Variants in RASAL2 observed in about 807,000 individuals in gnomAD.
RASAL2 encodes the protein ras GTPase-activating protein nGAP.
A neutral mutation model predicts 128.9 loss-of-function variants in RASAL2; 58 were observed. The ratio of observed to expected loss-of-function variants is 0.45; its 90% CI spans 0.36 to 0.56. The LOEUF (loss-of-function observed/expected upper bound fraction) is 0.56, where lower values mean the gene tolerates loss of function less well. RASAL2 is among the 20% of genes least tolerant of loss of function. The pLI is 0.00. For missense variants in RASAL2, 1,360 were observed against 1,601.6 expected, an observed-to-expected ratio of 0.85 and a Z score of 2.57; for synonymous variants, 561 against 580.8, an observed-to-expected ratio of 0.97 and a Z score of 0.49.
chr1:178,473,125 G>C lies in RASAL2; in HGVS notation c.3729G>C (p.Ala1243=), dbSNP rs747311468. The stretch of plus-strand genomic sequence containing the variant: ...CAGCCAACACCAGACTGATGAGCGC[G>C]CTGACCCAAGTGAAGGAGCGGTACA... ...LDSANTRLMS[A]LTQVKERYSM... is the part of the protein sequence containing the mutation. Residue 1243 remains alanine (A), a synonymous_variant, in exon 18 of 18, where the codon GCG becomes GCC. Transcript: ENST00000367649. The C allele has an allele frequency of 6.2e-7, 1 of 1,614,170 alleles. No individual in the cohort carries two copies. Among genetic ancestry groups the C allele is most frequent in the South Asian group, 1.1e-5 (1 of 91,080 alleles).
chr1:178,457,923 C>A lies in RASAL2; in HGVS notation c.2631C>A (p.Ser877Arg). ...MLDVPIRLTG[S>R]QLSITQVASI... ...ATGTGCCTATACGCTTGACCGGAAG[C>A]CAGCTTTCCATAACCCAGGTGGCCA... Residue 877 changes from serine to arginine, a missense_variant, in exon 14 of 18, where the codon AGC becomes AGA. Around this residue, in one of 3 missense-constraint regions of RASAL2, gnomAD observed 741 missense variants for 868.6 expected, o/e 0.85. Transcript: ENST00000367649. 1 of 1,614,148 alleles carries A rather than the reference C, an allele frequency of 6.2e-7. No individual in the cohort carries two copies. Among genetic ancestry groups the A allele is most frequent in the Non-Finnish European group, 8.5e-7 (1 of 1,180,014 alleles).
chr1:178,274,981 A>G (rs868278050), intron 1 of RASAL2, among the ~76,000 whole-genome samples: 3 of 152,166 alleles, frequency 2.0e-5, no homozygotes, highest in South Asian at 2.1e-4. Flanking sequence ...TAAGTGACCT[A>G]TTTTATTTTG....
chr1:178,424,588 A>T (rs955945839), intron 5 of RASAL2, among the ~76,000 whole-genome samples: 9 of 152,140 alleles, frequency 5.9e-5, no homozygotes, highest in African/African-American at 2.2e-4. Flanking sequence ...CAGCCTCCTG[A>T]GTAGCTGGGA....
chr1:178,167,365 CAAGA>C (rs1661552863), intron 1 of RASAL2, among the ~76,000 whole-genome samples: 2 of 152,002 alleles, frequency 1.3e-5, no homozygotes, highest in Non-Finnish European at 2.9e-5. Context: ...CTGTAGTATA[CAAGA>C]TAGAAATAGT....
intron 1 of RASAL2, among the ~76,000 whole-genome samples, chr1:178,119,014 C>T (rs1659618495): frequency 6.6e-6 from 1 of 152,054 alleles, no homozygotes; most frequent in Non-Finnish European, 1.5e-5. Flanking sequence ...ATTACAGGCA[C>T]CCGCCACCAC....
intron 1 of RASAL2, among the ~76,000 whole-genome samples, chr1:178,260,574 A>G (rs1047758217): frequency 6.6e-6 from 1 of 150,618 alleles, no homozygotes; most frequent in African/African-American, 2.4e-5. Flanking sequence ...AAGTTTTTAA[A>G]AAGTCTTCCA....
At chr1:178,159,927 A>AC (rs1483335719) in intron 1 of RASAL2, among the ~76,000 whole-genome samples, 2 of 152,172 alleles carry the variant, frequency 1.3e-5, no homozygotes, top group African/African-American at 4.8e-5. Context: ...AAACAAACAA[A>AC]AAAAACTACT....
intron 1 of RASAL2, among the ~76,000 whole-genome samples, chr1:178,211,413 T>C (rs1360544267): frequency 6.6e-6 from 1 of 152,168 alleles, no homozygotes; most frequent in East Asian, 1.9e-4. Context: ...ATGATCACAT[T>C]ACTAGCTTAT....
intron 3 of RASAL2, among the ~76,000 whole-genome samples, chr1:178,387,357 A>G (rs1672636562): frequency 6.6e-6 from 1 of 151,102 alleles, no homozygotes; most frequent in South Asian, 2.1e-4. Flanking sequence ...CATAATACAG[A>G]AAGAGAATTT....
At chr1:178,411,582 G>T in intron 4 of RASAL2, 3 of 701,748 alleles carry the variant, frequency 4.3e-6, no homozygotes, top group East Asian at 2.6e-5. Context: ...AAAATGAGTG[G>T]ATGGAGAGAC....
chr1:178,189,628 T>TA (rs1451818601), intron 1 of RASAL2, among the ~76,000 whole-genome samples: 5 of 152,296 alleles, frequency 3.3e-5, no homozygotes, highest in Admixed American at 2.6e-4. Context: ...AGTCTCACTG[T>TA]AAAAAACAGT....
intron 17 of RASAL2, among the ~76,000 whole-genome samples, chr1:178,470,419 T>C (rs1253308160): frequency 2.0e-5 from 3 of 152,184 alleles, no homozygotes; most frequent in African/African-American, 4.8e-5. Context: ...TGCAAAAGGA[T>C]GAGCACTCCT....
At chr1:178,453,638 T>C (rs1335236318) in intron 11 of RASAL2, among the ~76,000 whole-genome samples, 1 of 152,152 alleles carries the variant, frequency 6.6e-6, no homozygotes, top group Non-Finnish European at 1.5e-5. Flanking sequence ...TTTTTCTTTC[T>C]ACTTTTCATT....
At position 178,467,402 on chromosome 1, in the gene RASAL2, A is replaced by T. The variant is rs201396805; in HGVS notation, c.3659A>T (p.Gln1220Leu). Reference protein sequence around the residue: ...AEMQAVIDAKQKIIDAQEKRI... With the variant: ...AEMQAVIDAKLKIIDAQEKRI... ...ATGCAAGCAGTTATTGATGCAAAGC[A>T]GAAAATAATTGATGCACAGGTAAGC... The change falls in exon 17 of 18, where the codon CAG (glutamine) becomes CTG (leucine). Residue 1220 changes from glutamine (Q) to leucine (L), a missense_variant. Physicochemically the swap from Gln to Leu is moderately radical, Grantham distance 113. Coordinates refer to ENST00000367649, the MANE Select transcript of RASAL2 (RefSeq NM_170692.4). 32 of 1,613,890 alleles carry T rather than the reference A, an allele frequency of 2.0e-5. No homozygotes were observed. The highest frequency in any genetic ancestry group is 2.6e-5 in the Non-Finnish European group (31 of 1,179,850).
chr1:178,162,561 C>CTTTATATAAAATATATATAATATATAT (rs1571567229), intron 1 of RASAL2, among the ~76,000 whole-genome samples: 1 of 114,702 alleles, frequency 8.7e-6, no homozygotes, highest in East Asian at 2.3e-4. Flanking sequence ...TATAATATAT[C>CTTTATATAAAATATATATAATATATAT]TTTATATAAA....
intron 3 of RASAL2, among the ~76,000 whole-genome samples, chr1:178,361,176 G>A (rs1171776279): frequency 6.6e-6 from 1 of 152,030 alleles, no homozygotes; most frequent in Non-Finnish European, 1.5e-5. Context: ...GATCAAATAG[G>A]GCATGCTTTA....
intron 2 of RASAL2, among the ~76,000 whole-genome samples, chr1:178,293,008 G>T (rs1667346996): frequency 6.6e-6 from 1 of 152,106 alleles, no homozygotes; most frequent in Non-Finnish European, 1.5e-5. Context: ...ATCAGTCTTT[G>T]TGCAAATAGC....
chr1:178,271,808 T>G (rs1666273140), intron 1 of RASAL2, among the ~76,000 whole-genome samples: 1 of 152,248 alleles, frequency 6.6e-6, no homozygotes, highest in South Asian at 2.1e-4. Flanking sequence ...GGGCTTTGCA[T>G]GATCTTGCCC....
chr1:178,291,073 T>C (rs1263988047), intron 2 of RASAL2, among the ~76,000 whole-genome samples: 1 of 152,142 alleles, frequency 6.6e-6, no homozygotes, highest in Non-Finnish European at 1.5e-5. Context: ...AAAAAGTGTT[T>C]TACAGAGAAA....
Sources: allele counts gnomAD v4.1 joint callset (sites outside exome capture counted in the v4.1 genomes callset), GRCh38; gene constraint gnomAD v4.1.1; regional missense constraint gnomAD v4.1.1; transcripts MANE v1.5; gene names NCBI Gene and HGNC (gene_info 2026-07-23, HGNC 2026-07-21).